Variants in GDAP1 observed in about 807,000 individuals in gnomAD.
GDAP1 encodes the protein ganglioside-induced differentiation-associated protein 1.
A neutral mutation model predicts 40.1 loss-of-function variants in GDAP1; 34 were observed. The observed-to-expected ratio is 0.85, with a 90% CI of 0.64 to 1.13. The LOEUF is 1.13. GDAP1 is among the 50% of genes most tolerant of loss of function. GDAP1 has a pLI of 0.00. For missense variants in GDAP1, 374 were observed against 433.7 expected (o/e 0.86, Z 1.22); for synonymous variants, 170 against 157.4 (o/e 1.08, Z -0.60).
intron 2 of GDAP1, among the ~76,000 whole-genome samples, chr8:74,395,677 A>G (rs746366838): frequency 3.3e-5 from 5 of 152,188 alleles, no homozygotes; most frequent in Non-Finnish European, 5.9e-5. Context: ...GGAAAACTCT[A>G]ACATGGGAGT....
rs1308983203 is a variant in GDAP1 at position 74,365,067 on chromosome 8, T to G, written c.*700T>G. The G allele has an allele frequency of 4.4e-6, 2 of 453,908 alleles. No individual in the cohort carries two copies. Among genetic ancestry groups the G allele is most frequent in the African/African-American group, 2.0e-5 (1 of 49,994 alleles). The allele number at this position is 453,908 out of a possible 1,614,324, so 28.1% of individuals were successfully genotyped here. ...GATACCATTCCTCTGGATGGTCATG[T>G]CCAGTCAGTGGGAGGTAGAAAGGGT... On this transcript the variant is annotated 3_prime_UTR_variant, in exon 6 of 6. Transcript: ENST00000220822.
At chr8:74,356,741 A>G (rs1809122047) in intron 2 of GDAP1, among the ~76,000 whole-genome samples, 2 of 122,038 alleles carry the variant, frequency 1.6e-5, no homozygotes, top group African/African-American at 3.2e-5. Context: ...TTTGAGACGG[A>G]GTCTCGCTCT....
chr8:74,361,011 A>C (rs1276185678), intron 3 of GDAP1, among the ~76,000 whole-genome samples: 4 of 151,990 alleles, frequency 2.6e-5, no homozygotes, highest in Non-Finnish European at 5.9e-5. Context: ...TATTATTCTT[A>C]TTATTCTTTT....
intron 2 of GDAP1, among the ~76,000 whole-genome samples, chr8:74,403,871 T>C (rs1242685488): frequency 6.7e-6 from 1 of 150,292 alleles, no homozygotes; most frequent in Non-Finnish European, 1.5e-5. Flanking sequence ...GTGTTATGTA[T>C]AAAGCTTTGA....
At chr8:74,429,500 G>A (rs1443895998) in intron 2 of GDAP1, among the ~76,000 whole-genome samples, 1 of 152,162 alleles carries the variant, frequency 6.6e-6, no homozygotes, top group African/African-American at 2.4e-5. Flanking sequence ...GTCTGGAGGT[G>A]GGAAGTCTGA....
intron 2 of GDAP1, among the ~76,000 whole-genome samples, chr8:74,477,108 C>T (rs9650157): frequency 0.32 from 48,967 of 151,736 alleles, 9,182 homozygotes; most frequent in Non-Finnish European, 0.41. Context: ...TTATGAAGTT[C>T]TTGAAGTGTG....
At chr8:74,465,396 G>A (rs756796014) in intron 2 of GDAP1, among the ~76,000 whole-genome samples, 1 of 151,914 alleles carries the variant, frequency 6.6e-6, no homozygotes, top group Non-Finnish European at 1.5e-5. Context: ...CTCTCGCCAA[G>A]CCTTATAAAT....
intron 2 of GDAP1, among the ~76,000 whole-genome samples, chr8:74,436,791 A>AC (rs1464127009): frequency 1.3e-5 from 2 of 152,000 alleles, no homozygotes; most frequent in African/African-American, 4.8e-5. Flanking sequence ...CCGGCCCTTT[A>AC]CCCCCCATAA....
intron 2 of GDAP1, among the ~76,000 whole-genome samples, chr8:74,430,062 A>T (rs1806006653): frequency 6.6e-6 from 1 of 152,192 alleles, no homozygotes; most frequent in South Asian, 2.1e-4. Flanking sequence ...AGAAAAGCAT[A>T]TGACTTATAG....
chr8:74,425,874 T>A (rs1805941393), intron 2 of GDAP1, among the ~76,000 whole-genome samples: 2 of 152,222 alleles, frequency 1.3e-5, no homozygotes, highest in Admixed American at 1.3e-4. Context: ...TCTTCTTTAA[T>A]TATCTCAATT....
rs1440260991 is a variant in GDAP1 at position 74,364,183 on chromosome 8, A to G, written c.893A>G (p.Asn298Ser). 1.2e-6 allele frequency: 2 copies of G among 1,614,002 alleles called. No homozygotes were observed. Residue 298 changes from asparagine (N) to serine (S), a missense_variant, in exon 6 of 6, where the codon AAT becomes AGT. Transcript: ENST00000220822. ...TFNKVLGHVN[N>S]ILISAVLPTA... is the part of the protein sequence containing the mutation. The stretch of plus-strand genomic sequence containing the variant: ...AACAAGGTTTTAGGACATGTCAACA[A>G]TATATTAATCTCTGCAGTGCTGCCA...
intron 2 of GDAP1, among the ~76,000 whole-genome samples, chr8:74,419,010 A>C (rs1461231695): frequency 6.6e-6 from 1 of 152,200 alleles, no homozygotes; most frequent in Non-Finnish European, 1.5e-5. Flanking sequence ...GGAATGGTTA[A>C]ATTAAACATA....
intron 2 of GDAP1, among the ~76,000 whole-genome samples, chr8:74,423,692 C>T (rs1030351069): frequency 2.0e-5 from 3 of 151,986 alleles, no homozygotes; most frequent in South Asian, 2.1e-4. Context: ...TATGCTTATC[C>T]GTGGTTAAGT....
In GDAP1 at chr8:74,364,184, T is replaced by A; in HGVS notation, c.894T>A (p.Asn298Lys). The change falls in exon 6 of 6, where the codon AAT (asparagine) becomes AAA (lysine). Residue 298 changes from asparagine (N) to lysine (K), a missense_variant. By Grantham distance (94) the Asn-to-Lys change is moderately conservative (BLOSUM62 0). Transcript: ENST00000220822. ...TFNKVLGHVN[N>K]ILISAVLPTA... ...ACAAGGTTTTAGGACATGTCAACAA[T>A]ATATTAATCTCTGCAGTGCTGCCAA... 2 of 1,614,106 alleles carry A rather than the reference T, an allele frequency of 1.2e-6. No homozygotes were observed. Among genetic ancestry groups the A allele is most frequent in the Non-Finnish European group, 1.7e-6 (2 of 1,179,964 alleles).
intron 2 of GDAP1, among the ~76,000 whole-genome samples, chr8:74,389,625 A>G (rs1007598130): frequency 1.3e-5 from 2 of 151,882 alleles, no homozygotes; most frequent in East Asian, 3.9e-4. Context: ...CTTCATTTCA[A>G]CCTTGGTGAA....
At chr8:74,444,023 T>TATCTATCA (rs1554555822) in intron 2 of GDAP1, among the ~76,000 whole-genome samples, 3 of 97,974 alleles carry the variant, frequency 3.1e-5, no homozygotes, top group African/African-American at 1.0e-4. Flanking sequence ...TCTATCTATC[T>TATCTATCA]ATCATCTATC....
chr8:74,443,980 G>GTCTGTCTATCTATCTA (rs1368436475), intron 2 of GDAP1, among the ~76,000 whole-genome samples: 15 of 147,308 alleles, frequency 1.0e-4, no homozygotes, highest in Non-Finnish European at 1.8e-4. Context: ...CTTTCTGTCT[G>GTCTGTCTATCTATCTA]TCTATCTATC....
At chr8:74,380,253 T>C (rs1391304091) in intron 2 of GDAP1, among the ~76,000 whole-genome samples, 1 of 152,192 alleles carries the variant, frequency 6.6e-6, no homozygotes, top group Non-Finnish European at 1.5e-5. Flanking sequence ...TTGTGTGAGA[T>C]TCACGGTATA....
At chr8:74,415,936 C>A (rs1805772327) in intron 2 of GDAP1, among the ~76,000 whole-genome samples, 1 of 149,622 alleles carries the variant, frequency 6.7e-6, no homozygotes, top group African/African-American at 2.6e-5. Context: ...GGGGATGATC[C>A]CCCTTTGCCA....
Sources: gnomAD v4.1 joint callset for allele counts (sites outside exome capture counted in the v4.1 genomes callset) on GRCh38, gnomAD v4.1.1 for gene constraint, MANE v1.5 for transcripts, NCBI Gene and HGNC (gene_info 2026-07-23, HGNC 2026-07-21) for gene names.